PTPRD: variants seen among roughly 807,000 people sequenced by gnomAD.
The protein encoded by PTPRD is receptor-type tyrosine-protein phosphatase delta.
A neutral mutation model predicts 214.5 loss-of-function variants in PTPRD; 34 were observed. The observed-to-expected ratio is 0.16, with a 90% CI of 0.12 to 0.21. The LOEUF (loss-of-function observed/expected upper bound fraction) is 0.21. PTPRD is among the 10% of genes least tolerant of loss of function. The pLI, the probability that PTPRD is intolerant of heterozygous loss-of-function variation, is 1.00. For missense variants in PTPRD, 2,545 were observed against 2,398.7 expected (o/e 1.06, Z -1.27); for synonymous variants, 1,128 against 845.7 (o/e 1.33, Z -5.79).
intron 5 of PTPRD, among the ~76,000 whole-genome samples, chr9:9,917,416 T>G (rs1329679082): frequency 1.6e-5 from 2 of 128,070 alleles, no homozygotes; most frequent in Non-Finnish European, 3.3e-5. Context: ...CATGAACAAC[T>G]ACACTCCAAT....
At chr9:9,184,286 T>C (rs1158261542) in intron 9 of PTPRD, among the ~76,000 whole-genome samples, 1 of 152,066 alleles carries the variant, frequency 6.6e-6, no homozygotes, top group African/African-American at 2.4e-5. Flanking sequence ...ACATTTCCCT[T>C]TTCCTTCTGT....
rs75059303 is a variant in PTPRD, at chr9:9,247,507, T to A, written c.-202-64144A>T. Among the ~76,000 whole-genome samples, 537 of 152,176 alleles carry A rather than the reference T, an allele frequency of 3.5e-3. 5 individuals carry two copies. Among genetic ancestry groups the A allele is most frequent in the African/African-American group, 0.012 (517 of 41,564 alleles). ...TTATAGGAGTGTTGGCCTTGACCCTTATGAGGGATGAGAAAAGGTATCACA... is the reference window on the plus strand; with the variant it reads ...TTATAGGAGTGTTGGCCTTGACCCTAATGAGGGATGAGAAAAGGTATCACA... On this transcript the variant is annotated intron_variant, in intron 9 of 45. Transcript: ENST00000381196.
At chr9:8,358,213 G>C (rs937454467) in intron 39 of PTPRD, among the ~76,000 whole-genome samples, 1 of 152,032 alleles carries the variant, frequency 6.6e-6, no homozygotes, top group Non-Finnish European at 1.5e-5. Flanking sequence ...TTACAGCCTG[G>C]GGAAGAAATT....
chr9:9,659,435 T>A (rs1477825114), intron 7 of PTPRD, among the ~76,000 whole-genome samples: 1 of 152,054 alleles, frequency 6.6e-6, no homozygotes, highest in Admixed American at 6.6e-5. Flanking sequence ...CTTTGTTGCT[T>A]ATTATACTGG....
At chr9:8,463,655 C>T (rs1194514518) in intron 32 of PTPRD, among the ~76,000 whole-genome samples, 1 of 151,864 alleles carries the variant, frequency 6.6e-6, no homozygotes, top group Non-Finnish European at 1.5e-5. Context: ...TGATACCAGC[C>T]TAATGAAAAA....
Position 10,430,117 on chromosome 9 carries a change from C to A in PTPRD, c.-599-89100G>T, listed in dbSNP as rs147484748. On this transcript the variant is annotated intron_variant, in intron 2 of 45. Coordinates refer to ENST00000381196, the MANE Select transcript of PTPRD (RefSeq NM_002839.4). Reference sequence around the variant, plus strand: ...TCAGCTTGAGTAAATGTAGAACAACCTTCATGTATTTCCCTCCATAAGGGA... The same window carrying A: ...TCAGCTTGAGTAAATGTAGAACAACATTCATGTATTTCCCTCCATAAGGGA... 6.6e-5 allele frequency among the ~76,000 whole-genome samples: 10 copies of A among 151,962 alleles called. No homozygotes were observed. The East Asian group carries it at 1.7e-3, about 27-fold the overall frequency.
chr9:9,932,881 G>A (rs538471550), intron 5 of PTPRD, among the ~76,000 whole-genome samples: 7 of 132,602 alleles, frequency 5.3e-5, no homozygotes, highest in South Asian at 2.6e-4. Context: ...CAGATCTCTC[G>A]GCAGAAACCC....
intron 10 of PTPRD, among the ~76,000 whole-genome samples, chr9:9,145,127 T>C (rs1164024785): frequency 6.6e-6 from 1 of 152,198 alleles, no homozygotes; most frequent in Non-Finnish European, 1.5e-5. Flanking sequence ...TTATATACTG[T>C]TTTTCCTTAA....
rs147685897 is a variant in PTPRD at position 8,596,813 on chromosome 9, T to C, written c.352+36504A>G. On this transcript the variant is annotated intron_variant, in intron 14 of 45. Transcript: ENST00000381196. ...CAATATTGTTGATAAACAGCTTTGCTACATAAGGTATTGGGAAACTAAGTA... is the reference window on the plus strand; with the variant it reads ...CAATATTGTTGATAAACAGCTTTGCCACATAAGGTATTGGGAAACTAAGTA... Among the ~76,000 whole-genome samples, 1,031 of 152,268 alleles carry C rather than the reference T, an allele frequency of 6.8e-3. 7 individuals are homozygous for C. Among genetic ancestry groups the C allele is most frequent in the African/African-American group, 0.021 (894 of 41,588 alleles).
chr9:10,394,073 T>G (rs2382206), intron 2 of PTPRD, among the ~76,000 whole-genome samples: 121,898 of 143,510 alleles, frequency 0.85, 51,836 homozygotes, highest in East Asian at 0.89. Flanking sequence ...TATATATATA[T>G]ATAGAGAGAG....
At chr9:8,985,830 C>T (rs2099341361) in intron 11 of PTPRD, among the ~76,000 whole-genome samples, 1 of 151,964 alleles carries the variant, frequency 6.6e-6, no homozygotes, top group African/African-American at 2.4e-5. Flanking sequence ...AAATAAAATA[C>T]TGGTTAGAAG....
intron 14 of PTPRD, among the ~76,000 whole-genome samples, chr9:8,578,236 A>G (rs2092679140): frequency 6.6e-6 from 1 of 152,184 alleles, no homozygotes; most frequent in African/African-American, 2.4e-5. Flanking sequence ...ATAAGATCAT[A>G]TGAAGTTATT....
At chr9:8,966,133 C>A (rs1256482003) in intron 11 of PTPRD, among the ~76,000 whole-genome samples, 1 of 151,888 alleles carries the variant, frequency 6.6e-6, no homozygotes, top group East Asian at 1.9e-4. Flanking sequence ...ATAAATGACA[C>A]AAATAACAGT....
chr9:8,973,250 T>A (rs1347351966), intron 11 of PTPRD, among the ~76,000 whole-genome samples: 2 of 151,924 alleles, frequency 1.3e-5, no homozygotes, highest in Non-Finnish European at 2.9e-5. Flanking sequence ...CCAAGTCTAT[T>A]TTTTTCCATA....
chr9:8,486,360 T>C lies in PTPRD; in HGVS notation c.2468-11A>G, dbSNP rs746060493. 3 of 1,609,904 alleles carry C rather than the reference T, an allele frequency of 1.9e-6. No homozygotes were observed. Among genetic ancestry groups the C allele is most frequent in the Middle Eastern group, 1.7e-4 (1 of 6,052 alleles). On this transcript the variant is annotated splice_polypyrimidine_tract_variant and intron_variant, in intron 27 of 45. Transcript: ENST00000381196. ...GAGGTTTCCCTGGAACTGGAGCACA[T>C]GGGATGGAGTGGTAAGACCAACCAA... is the stretch of plus-strand genomic sequence containing the variant.
intron 12 of PTPRD, among the ~76,000 whole-genome samples, chr9:8,691,493 A>G (rs1265329808): frequency 6.6e-6 from 1 of 152,150 alleles, no homozygotes; most frequent in Non-Finnish European, 1.5e-5. Flanking sequence ...AAGGAGAAAA[A>G]AAAAATGAAC....
rs555940875 is a variant in PTPRD, at chr9:8,795,087, G to C, written c.-103-61141C>G. 7.9e-5 allele frequency among the ~76,000 whole-genome samples: 12 copies of C among 152,088 alleles called. No homozygotes were observed. The East Asian group carries it at 2.3e-3, about 29-fold the overall frequency. ...TCAAATCTTCCGCATTCATTTAAAG[G>C]CGTCATTTTAATTTCTTGGGCACTA... On this transcript the variant is annotated intron_variant, in intron 11 of 45. Coordinates refer to ENST00000381196, the MANE Select transcript of PTPRD (RefSeq NM_002839.4).
chr9:10,178,145 G>C (rs954229239), intron 3 of PTPRD, among the ~76,000 whole-genome samples: 11 of 152,080 alleles, frequency 7.2e-5, no homozygotes, highest in African/African-American at 2.4e-4. Flanking sequence ...GGAATGGAGA[G>C]ACTGTAAGTT....
At chr9:10,052,662 C>A (rs764137465) in intron 3 of PTPRD, among the ~76,000 whole-genome samples, 12 of 152,230 alleles carry the variant, frequency 7.9e-5, no homozygotes, top group South Asian at 6.2e-4. Flanking sequence ...GGTCACACAG[C>A]TAAAAAAGAT....
Sources: gnomAD v4.1 joint callset for allele counts (sites outside exome capture counted in the v4.1 genomes callset) on GRCh38, gnomAD v4.1.1 for gene constraint, MANE v1.5 for transcripts, NCBI Gene and HGNC (gene_info 2026-07-23, HGNC 2026-07-21) for gene names.